The following PCDHGA2 variants were observed in gnomAD, a reference collection of about 807,000 sequenced individuals.
PCDHGA2 encodes the protein protocadherin gamma subfamily A, 2.
In PCDHGA2, 40 loss-of-function variants were observed where a neutral mutation model predicts 59.2. That is an observed-to-expected ratio of 0.68 (90% CI 0.52 to 0.88). The LOEUF (loss-of-function observed/expected upper bound fraction) is 0.88, where lower values mean the gene tolerates loss of function less well. Among genes scored for constraint, PCDHGA2 ranks in the 40% least tolerant of loss-of-function variants. PCDHGA2 has a pLI of 0.00. For synonymous variants in PCDHGA2, 560 were observed against 526.0 expected (o/e 1.06, Z -0.89); for missense variants, 1,226 against 1,204.0 (o/e 1.02, Z -0.27).
chr5:141,392,060 G>A (rs537832041), intron 1 of PCDHGA2: 11 of 151,956 alleles, frequency 7.2e-5, no homozygotes, highest in Non-Finnish European at 1.5e-4. Context: ...AAATATTATC[G>A]ACATGTAATT....
At chr5:141,382,720 T>A in intron 1 of PCDHGA2, 2 of 480,118 alleles carry the variant, frequency 4.2e-6, no homozygotes, top group South Asian at 6.2e-5. Flanking sequence ...AACCACCGAG[T>A]TTTACAGCAC....
rs757926227 is a variant in PCDHGA2, at chr5:141,432,889, G to A, written c.2425-61918G>A. 1.6e-5 allele frequency: 26 copies of A among 1,614,180 alleles called. No individual in the cohort carries two copies. In the East Asian group the frequency reaches 5.8e-4, roughly 36 times the overall value. On this transcript the variant is annotated intron_variant, in intron 1 of 3. Transcript: ENST00000394576. This position sits in a 1 kb window ranked among gnomAD's most constrained non-coding sequence, Gnocchi z 6.0. ...GCGTCTTCCTGGCCTTCGTCATCTT[G>A]CTGCTGGCGCTCAGGCTGCGGCGCT...
Position 141,376,079 on chromosome 5 carries a change from G to A in PCDHGA2, c.2424+34684G>A, listed in dbSNP as rs367626751. ...TGTCACGCTCACCGTGGCCGTGGCC[G>A]ACAGGATCCCCGACATCCTGGCCGA... is the stretch of plus-strand genomic sequence containing the variant. On this transcript the variant is annotated intron_variant, in intron 1 of 3. Coordinates refer to ENST00000394576, the MANE Select transcript of PCDHGA2 (RefSeq NM_018915.4). The A allele has an allele frequency of 5.8e-5, 93 of 1,613,564 alleles. No individual in the cohort carries two copies. The highest frequency in any genetic ancestry group is 1.3e-4 in the Admixed American group (8 of 60,010).
intron 1 of PCDHGA2, chr5:141,424,778 T>G (rs1009835492): frequency 1.3e-5 from 2 of 152,166 alleles, no homozygotes; most frequent in African/African-American, 4.8e-5. Flanking sequence ...AATAGTACAT[T>G]CAGTTCTTTT....
intron 1 of PCDHGA2, chr5:141,355,820 T>G (rs2149787914): frequency 6.2e-7 from 1 of 1,612,978 alleles, no homozygotes. Context: ...GAAGAGGCGG[T>G]TCACCACCTC....
chr5:141,503,260 C>A (rs2154593294), intron 2 of PCDHGA2, among the ~76,000 whole-genome samples: 1 of 152,178 alleles, frequency 6.6e-6, no homozygotes, highest in African/African-American at 2.4e-5. Flanking sequence ...ACAGCCACAA[C>A]CCCAGCACCT....
intron 1 of PCDHGA2, chr5:141,419,312 G>A (rs35892780): frequency 1.2e-6 from 2 of 1,613,962 alleles, no homozygotes; most frequent in South Asian, 2.2e-5. Context: ...CGGGCTCAAC[G>A]GCCGTGTCTC....
intron 1 of PCDHGA2, among the ~76,000 whole-genome samples, chr5:141,484,030 T>G (rs1290301073): frequency 6.6e-6 from 1 of 151,022 alleles, no homozygotes; most frequent in African/African-American, 2.4e-5. Flanking sequence ...TGAGATCAAG[T>G]CTCCAGCTCC....
chr5:141,422,131 G>T (rs747294750), intron 1 of PCDHGA2: 3 of 1,598,182 alleles, frequency 1.9e-6, no homozygotes, highest in Non-Finnish European at 2.6e-6. Context: ...AACTGGAGAA[G>T]TTCAAGTACG....
Position 141,490,743 on chromosome 5 carries a change from C to T in PCDHGA2, c.2425-4064C>T, listed in dbSNP as rs1011278142. 7.4e-6 allele frequency: 12 copies of T among 1,614,058 alleles called. No homozygotes were observed. The highest frequency in any genetic ancestry group is 1.0e-5 in the Non-Finnish European group (12 of 1,180,038). On this transcript the variant is annotated intron_variant, in intron 1 of 3. Transcript: ENST00000394576. This position sits in a 1 kb window ranked among gnomAD's most constrained non-coding sequence, Gnocchi z 5.4. ...TTGTAGGAAATCAGGTTCAGGGAGC[C>T]CCAGCCTCCTCCTTTGTGTATGTCA...
chr5:141,511,695 C>T lies in PCDHGA2; in HGVS notation c.*522C>T, dbSNP rs1009832192. 1 of 195,662 alleles carries T rather than the reference C, an allele frequency of 5.1e-6. No individual in the cohort carries two copies. Among genetic ancestry groups the T allele is most frequent in the Non-Finnish European group, 1.1e-5 (1 of 92,626 alleles). The allele number at this position is 195,662 out of a possible 1,614,324, so 12.1% of individuals were successfully genotyped here. On this transcript the variant is annotated 3_prime_UTR_variant, in exon 4 of 4. Coordinates refer to ENST00000394576, the MANE Select transcript of PCDHGA2 (RefSeq NM_018915.4). ...CTTCCCCCAAAGCATGGTTTGGTGC[C>T]AGCCCCTTCACCTCCTTCCAGAGCC...
At chr5:141,418,441 A>G (rs2096258419) in intron 1 of PCDHGA2, 3 of 1,614,000 alleles carry the variant, frequency 1.9e-6, no homozygotes, top group South Asian at 1.1e-5. Flanking sequence ...ATCCAGAATT[A>G]GTATTGCAGA....
chr5:141,437,385 C>T (rs543945898), intron 1 of PCDHGA2, among the ~76,000 whole-genome samples: 12 of 152,202 alleles, frequency 7.9e-5, no homozygotes, highest in Non-Finnish European at 1.6e-4. Flanking sequence ...AGAAGACATT[C>T]ATCCACTGCT....
rs759226115 is a variant in PCDHGA2 at position 141,405,385 on chromosome 5, AT to A, written c.2424+63998del. On this transcript the variant is annotated intron_variant, in intron 1 of 3. Transcript: ENST00000394576. ...ACACCCCTTTGGTTCCGGTGAGTTC[AT>A]TTTTTTTCTTTCTTTCTTTTCTTTT... 1.8e-5 allele frequency: 29 copies of A among 1,599,886 alleles called. No homozygotes were observed. In the East Asian group the frequency reaches 2.2e-4, roughly 12 times the overall value.
At chr5:141,389,578 TG>T (rs1314978831) in intron 1 of PCDHGA2, 1 of 1,613,236 alleles carries the variant, frequency 6.2e-7, no homozygotes, top group South Asian at 1.1e-5. Context: ...TACCCCGCGC[TG>T]GGTCCCGACG....
intron 1 of PCDHGA2, chr5:141,355,253 T>C: frequency 6.2e-7 from 1 of 1,613,402 alleles, no homozygotes; most frequent in Non-Finnish European, 8.5e-7. Context: ...CAGATCTGCC[T>C]TCTCCTGGGG....
chr5:141,455,541 A>G (rs2098825752), intron 1 of PCDHGA2, among the ~76,000 whole-genome samples: 1 of 152,134 alleles, frequency 6.6e-6, no homozygotes, highest in African/African-American at 2.4e-5. Context: ...CATATCATTC[A>G]CGTAGCCCGA....
chr5:141,373,122 C>T (rs1449230885), intron 1 of PCDHGA2, among the ~76,000 whole-genome samples: 5 of 152,156 alleles, frequency 3.3e-5, no homozygotes, highest in African/African-American at 1.2e-4. Flanking sequence ...CAGAATTAGA[C>T]CCAAATCCTC....
At chr5:141,347,773 A>G (rs1168960909) in intron 1 of PCDHGA2, among the ~76,000 whole-genome samples, 1 of 151,302 alleles carries the variant, frequency 6.6e-6, no homozygotes, top group African/African-American at 2.4e-5. Flanking sequence ...GGCAATAGAG[A>G]GAGACTCCAT....
Sources: allele counts gnomAD v4.1 joint callset (sites outside exome capture counted in the v4.1 genomes callset), GRCh38; gene constraint gnomAD v4.1.1; non-coding constraint Gnocchi (gnomAD v3.1); transcripts MANE v1.5; gene names NCBI Gene and HGNC (gene_info 2026-07-23, HGNC 2026-07-21).